The following FRAS1 variants were observed in gnomAD, a reference collection of about 807,000 sequenced individuals.
The protein encoded by FRAS1 is extracellular matrix organizing protein FRAS1.
A neutral mutation model predicts 435.2 loss-of-function variants in FRAS1; 290 were observed. The observed-to-expected ratio is 0.67, with a 90% CI of 0.61 to 0.73. FRAS1 has a LOEUF of 0.73. FRAS1 is among the 30% of genes least tolerant of loss of function. The pLI is 0.00. For missense variants in FRAS1, 4,860 were observed against 5,001.5 expected (o/e 0.97, Z 0.85); for synonymous variants, 1,800 against 1,851.0 (o/e 0.97, Z 0.71).
At chr4:78,536,877 C>T (rs1721899663) in intron 71 of FRAS1, 118 bp from the exon 72 acceptor site, 2 of 687,790 alleles carry the variant, frequency 2.9e-6, no homozygotes, top group Non-Finnish European at 4.9e-6. Context: ...TCATGGAGCT[C>T]TTCATAGAAA....
At chr4:78,462,540 A>G (rs1439267562) in intron 47 of FRAS1, among the ~76,000 whole-genome samples, 3 of 152,212 alleles carry the variant, frequency 2.0e-5, no homozygotes, top group African/African-American at 7.2e-5. Flanking sequence ...ACTTCCATAA[A>G]GGGAACAGTG....
intron 2 of FRAS1, among the ~76,000 whole-genome samples, chr4:78,168,566 T>G (rs1432824645): frequency 1.3e-5 from 2 of 152,032 alleles, no homozygotes; most frequent in Non-Finnish European, 2.9e-5. Flanking sequence ...TTTTTATTAC[T>G]GTCTACTACC....
At chr4:78,128,507 T>C (rs1191269268) in intron 2 of FRAS1, among the ~76,000 whole-genome samples, 3 of 152,258 alleles carry the variant, frequency 2.0e-5, no homozygotes, top group Non-Finnish European at 2.9e-5. Flanking sequence ...TAGCCAGTGA[T>C]GATGAGCATT....
At chr4:78,185,362 C>A (rs1391742808) in intron 2 of FRAS1, among the ~76,000 whole-genome samples, 1 of 152,132 alleles carries the variant, frequency 6.6e-6, no homozygotes, top group Non-Finnish European at 1.5e-5. Context: ...TATTGTCTTG[C>A]AGAATTTAGA....
intron 14 of FRAS1, among the ~76,000 whole-genome samples, chr4:78,298,030 CTA>C (rs61446216): frequency 0.099 from 10,231 of 103,642 alleles, 616 homozygotes; most frequent in East Asian, 0.3. Context: ...CTCTCTCTCT[CTA>C]TATATATATA....
At chr4:78,207,897 G>T (rs1317594306) in intron 2 of FRAS1, among the ~76,000 whole-genome samples, 1 of 152,156 alleles carries the variant, frequency 6.6e-6, no homozygotes, top group Non-Finnish European at 1.5e-5. Context: ...CAGACGGCAG[G>T]CAGGACTAGA....
At chr4:78,123,521 G>A (rs771135264) in intron 2 of FRAS1, among the ~76,000 whole-genome samples, 1 of 152,124 alleles carries the variant, frequency 6.6e-6, no homozygotes, top group Non-Finnish European at 1.5e-5. Context: ...AAGAAAGTCA[G>A]TGGTAGCTTG....
At chr4:78,215,430 G>A (rs1332564870) in intron 2 of FRAS1, among the ~76,000 whole-genome samples, 5 of 152,210 alleles carry the variant, frequency 3.3e-5, no homozygotes, top group Middle Eastern at 3.4e-3. Flanking sequence ...TCTTGACCTC[G>A]TGATCTGCCT....
intron 2 of FRAS1, among the ~76,000 whole-genome samples, chr4:78,198,020 T>C (rs768281404): frequency 1.4e-4 from 22 of 152,266 alleles, no homozygotes; most frequent in Admixed American, 5.9e-4. Context: ...CTTTCCTTCA[T>C]ATCTCCTCCA....
At chr4:78,208,700 A>C (rs1286370840) in intron 2 of FRAS1, among the ~76,000 whole-genome samples, 1 of 152,176 alleles carries the variant, frequency 6.6e-6, no homozygotes, top group Non-Finnish European at 1.5e-5. Context: ...GGTTTTCAAA[A>C]CTTCATTGTT....
At chr4:78,446,922 C>A in intron 43 of FRAS1, 42 bp downstream of exon 43, 4 of 1,553,340 alleles carry the variant, frequency 2.6e-6, no homozygotes, top group Non-Finnish European at 3.5e-6. Context: ...AATTGAGATG[C>A]CCGATGGGCT....
chr4:78,190,631 A>ATTCCCTTCCC (rs550088968), intron 2 of FRAS1, among the ~76,000 whole-genome samples: 1 of 90,408 alleles, frequency 1.1e-5, no homozygotes, highest in East Asian at 3.1e-4. Flanking sequence ...CTTCCCTTCC[A>ATTCCCTTCCC]TTCCCTTCCC....
intron 69 of FRAS1, among the ~76,000 whole-genome samples, chr4:78,525,884 A>G (rs60358735): frequency 0.024 from 3,695 of 152,350 alleles, 143 homozygotes; most frequent in African/African-American, 0.085. Flanking sequence ...TAAACAGGGA[A>G]GTCCCCAAGT....
At chr4:78,205,722 T>C (rs954692035) in intron 2 of FRAS1, among the ~76,000 whole-genome samples, 5 of 152,164 alleles carry the variant, frequency 3.3e-5, no homozygotes, top group African/African-American at 1.2e-4. Context: ...GAGGGGGCTC[T>C]GGGAGCAGCA....
Position 78,475,545 on chromosome 4 carries a change from G to A in FRAS1, c.7790G>A (p.Ser2597Asn). Residue 2597 changes from serine to asparagine, a missense_variant, in exon 54 of 74, where the codon AGC becomes AAC. Coordinates refer to ENST00000512123, the MANE Select transcript of FRAS1 (RefSeq NM_025074.7). ...TGTCGCACCGAGCAAGGCACCGCCAGCTCCAGCTCCAGGGTCAGCTCCCAA... is the reference window on the plus strand; with the variant it reads ...TGTCGCACCGAGCAAGGCACCGCCAACTCCAGCTCCAGGGTCAGCTCCCAA... Reference protein sequence around the residue: ...VLCRTEQGTASSSSRVSSQPG... With the variant: ...VLCRTEQGTANSSSRVSSQPG... The A allele has an allele frequency of 6.2e-7, 1 of 1,613,684 alleles. No individual in the cohort carries two copies. The highest frequency in any genetic ancestry group is 8.5e-7 in the Non-Finnish European group (1 of 1,179,680).
chr4:78,396,871 T>C (rs1195589333), intron 29 of FRAS1, among the ~76,000 whole-genome samples: 1 of 152,240 alleles, frequency 6.6e-6, no homozygotes, highest in Non-Finnish European at 1.5e-5. Flanking sequence ...GTTGTTCTTT[T>C]TAAGATTTCT....
rs548212728 is a variant in FRAS1, at chr4:78,088,364, A to G, written c.108+22348A>G. On this transcript the variant is annotated intron_variant, in intron 2 of 73. Transcript: ENST00000512123. The stretch of plus-strand genomic sequence containing the variant: ...AGGCAATACCATTCAGGACATAGGC[A>G]TGGGCAAGGACTTCATGTCTAAAAC... Among the ~76,000 whole-genome samples the G allele has an allele frequency of 1.4e-4, 22 of 152,334 alleles. No homozygotes were observed. The East Asian group carries it at 3.5e-3, about 24-fold the overall frequency.
intron 20 of FRAS1, among the ~76,000 whole-genome samples, chr4:78,361,840 C>G (rs1731084170): frequency 6.6e-6 from 1 of 152,120 alleles, no homozygotes; most frequent in African/African-American, 2.4e-5. Context: ...TGGGAAGGCC[C>G]CGTAACCAGA....
intron 72 of FRAS1, among the ~76,000 whole-genome samples, chr4:78,538,656 T>C (rs1721956749): frequency 1.3e-5 from 2 of 152,098 alleles, no homozygotes; most frequent in Admixed American, 1.3e-4. Flanking sequence ...AAAAAGCCTC[T>C]TAAAAAACCA....
Sources: allele counts gnomAD v4.1 joint callset (sites outside exome capture counted in the v4.1 genomes callset), GRCh38; gene constraint gnomAD v4.1.1; transcripts MANE v1.5; gene names NCBI Gene and HGNC (gene_info 2026-07-23, HGNC 2026-07-21).